The following CUTC variants were observed in gnomAD, a reference collection of about 807,000 sequenced individuals.
CUTC encodes copper homeostasis protein cutC homolog.
In CUTC, 27 loss-of-function variants were observed where a neutral mutation model predicts 36.2. The ratio of observed to expected loss-of-function variants is 0.75; its 90% CI spans 0.55 to 1.03. The LOEUF (loss-of-function observed/expected upper bound fraction) is 1.03, where lower values mean the gene tolerates loss of function less well. Ranked by LOEUF, CUTC falls within the 50% of genes least tolerant of loss-of-function variation. CUTC has a pLI of 0.00. For missense variants in CUTC, 315 were observed against 343.5 expected, an observed-to-expected ratio of 0.92 and a Z score of 0.66; for synonymous variants, 114 against 118.3, an observed-to-expected ratio of 0.96 and a Z score of 0.24.
At chr10:99,747,456 T>C (rs1399576279) in intron 6 of CUTC, 66 bp downstream of exon 6, 7 of 1,593,078 alleles carry the variant, frequency 4.4e-6, no homozygotes, top group Non-Finnish European at 6.0e-6. Flanking sequence ...TTCTGCTGTT[T>C]AGCCAGTTTG....
At chr10:99,749,782 T>C (rs986040748) in intron 6 of CUTC, among the ~76,000 whole-genome samples, 6 of 152,180 alleles carry the variant, frequency 3.9e-5, no homozygotes, top group Non-Finnish European at 5.9e-5. Flanking sequence ...GCTTTATTTA[T>C]TCACTTGCTT....
intron 6 of CUTC, among the ~76,000 whole-genome samples, chr10:99,748,736 A>G (rs1191101915): frequency 6.6e-6 from 1 of 152,168 alleles, no homozygotes; most frequent in Non-Finnish European, 1.5e-5. Context: ...TACTCATTTG[A>G]AGGATGTTTG....
intron 7 of CUTC, among the ~76,000 whole-genome samples, chr10:99,752,134 G>A (rs769459999): frequency 1.2e-4 from 19 of 152,088 alleles, no homozygotes; most frequent in Non-Finnish European, 2.6e-4. Flanking sequence ...ACTGACCAGC[G>A]TTCAAAATAG....
At chr10:99,742,643 A>T (rs905284422) in intron 3 of CUTC, among the ~76,000 whole-genome samples, 4 of 151,632 alleles carry the variant, frequency 2.6e-5, no homozygotes, top group Non-Finnish European at 5.9e-5. Flanking sequence ...AGGTACTTTT[A>T]TGCATAGATC....
At chr10:99,750,614 T>G (rs190517895) in intron 7 of CUTC, among the ~76,000 whole-genome samples, 86 of 152,320 alleles carry the variant, frequency 5.6e-4, no homozygotes, top group African/African-American at 2.0e-3. Flanking sequence ...TAATAGGCAT[T>G]AGCTCAAAGA....
Position 99,747,271 on chromosome 10 carries a change from C to G in CUTC, c.454C>G (p.His152Asp), listed in dbSNP as rs376523515. 2 of 1,613,936 alleles carry G rather than the reference C, an allele frequency of 1.2e-6. No individual in the cohort carries two copies. The highest frequency in any genetic ancestry group is 1.7e-5 in the Admixed American group (1 of 59,946). The change falls in exon 6 of 9, where the codon CAT becomes GAT. Residue 152 changes from histidine (H) to aspartate (D), a missense_variant. Coordinates refer to ENST00000370476, the MANE Select transcript of CUTC (RefSeq NM_015960.3). ...VTFHRAFDMV[H>D]DPMAALETLL... ...ATTTATTTCAGCCTTTGACATGGTT[C>G]ATGATCCAATGGCAGCTCTGGAGAC...
chr10:99,742,025 G>A (rs866003820), intron 3 of CUTC, among the ~76,000 whole-genome samples: 2 of 152,080 alleles, frequency 1.3e-5, no homozygotes, highest in Admixed American at 1.3e-4. Flanking sequence ...TCAGGGAATT[G>A]TTTTGGCTCC....
intron 4 of CUTC, among the ~76,000 whole-genome samples, 168 bp downstream of exon 4, chr10:99,743,530 T>C (rs2037355762): frequency 6.6e-6 from 1 of 152,204 alleles, no homozygotes; most frequent in Non-Finnish European, 1.5e-5. Flanking sequence ...GTGGGGTGTA[T>C]GTGTGGCAAA....
chr10:99,735,351 G>C (rs1447080660), intron 1 of CUTC, among the ~76,000 whole-genome samples: 1 of 152,100 alleles, frequency 6.6e-6, no homozygotes, highest in Admixed American at 6.6e-5. Context: ...AAGCCAGAAG[G>C]AACTCTGGGT....
chr10:99,736,845 A>G (rs904687219), intron 2 of CUTC, among the ~76,000 whole-genome samples: 1 of 152,188 alleles, frequency 6.6e-6, no homozygotes, highest in African/African-American at 2.4e-5. Context: ...CATTTTCAAC[A>G]CATGGCCAGT....
intron 1 of CUTC, among the ~76,000 whole-genome samples, chr10:99,734,923 C>T (rs1189699609): frequency 6.6e-6 from 1 of 151,592 alleles, no homozygotes; most frequent in Non-Finnish European, 1.5e-5. Context: ...GGCAACATGG[C>T]GAAACCCCAT....
chr10:99,735,129 A>T (rs1196976120), intron 1 of CUTC, among the ~76,000 whole-genome samples: 2 of 147,064 alleles, frequency 1.4e-5, no homozygotes, highest in Non-Finnish European at 3.0e-5. Flanking sequence ...AAAAAAAACA[A>T]ACTTAGGAAC....
intron 7 of CUTC, among the ~76,000 whole-genome samples, chr10:99,751,149 G>A (rs1373243804): frequency 6.6e-6 from 1 of 152,062 alleles, no homozygotes; most frequent in African/African-American, 2.4e-5. Context: ...TTTTATTAAA[G>A]TTAAATTGAA....
rs886046614 is a variant in CUTC, at chr10:99,732,356, G to A, written c.8G>A (p.Arg3Lys). 1.9e-6 allele frequency: 3 copies of A among 1,553,048 alleles called. No homozygotes were observed. Among genetic ancestry groups the A allele is most frequent in the Non-Finnish European group, 2.6e-6 (3 of 1,147,968 alleles). Residue 3 changes from arginine to lysine, a missense_variant, in exon 1 of 9, where the codon AGG becomes AAG. Coordinates refer to ENST00000370476, the MANE Select transcript of CUTC (RefSeq NM_015960.3). The part of the protein sequence containing the change: MK[R>K]QGASSERKRA... ...GGGAGGAACGCGTGGAGCATGAAAAGGCAGGGGGCCTCCTCTGAGCGAAAA... is the reference window on the plus strand; with the variant it reads ...GGGAGGAACGCGTGGAGCATGAAAAAGCAGGGGGCCTCCTCTGAGCGAAAA...
At chr10:99,745,631 G>A (rs2133673860) in intron 5 of CUTC, among the ~76,000 whole-genome samples, 1 of 152,292 alleles carries the variant, frequency 6.6e-6, no homozygotes, top group South Asian at 2.1e-4. Context: ...GACCGAGGTG[G>A]GTGGATCACA....
At chr10:99,744,680 G>A (rs972005484) in intron 5 of CUTC, among the ~76,000 whole-genome samples, 2 of 152,236 alleles carry the variant, frequency 1.3e-5, no homozygotes, top group African/African-American at 4.8e-5. Flanking sequence ...TAGCTTGTCT[G>A]CACCACAGTG....
chr10:99,745,315 G>C (rs918372517), intron 5 of CUTC, among the ~76,000 whole-genome samples: 1 of 152,148 alleles, frequency 6.6e-6, no homozygotes, highest in Non-Finnish European at 1.5e-5. Context: ...TCATAATATA[G>C]TTTTAGTGGT....
intron 1 of CUTC, among the ~76,000 whole-genome samples, chr10:99,733,975 A>G (rs2037266666): frequency 6.6e-6 from 1 of 152,104 alleles, no homozygotes. Flanking sequence ...TCTGGTAGCT[A>G]CCAGGAAACT....
chr10:99,748,783 G>A (rs989249511), intron 6 of CUTC, among the ~76,000 whole-genome samples: 1 of 152,168 alleles, frequency 6.6e-6, no homozygotes, highest in African/African-American at 2.4e-5. Flanking sequence ...CAGTGGGAGT[G>A]AGGGTGAAGG....
Sources: gnomAD v4.1 joint callset for allele counts (sites outside exome capture counted in the v4.1 genomes callset) on GRCh38, gnomAD v4.1.1 for gene constraint, MANE v1.5 for transcripts, NCBI Gene and HGNC (gene_info 2026-07-23, HGNC 2026-07-21) for gene names.